Variants in CAST observed in about 807,000 individuals in gnomAD.
CAST encodes calpastatin.
A neutral mutation model predicts 119.6 loss-of-function variants in CAST; 76 were observed. The observed-to-expected ratio is 0.64, with a 90% CI of 0.53 to 0.77. The LOEUF (loss-of-function observed/expected upper bound fraction) is 0.77, where lower values mean the gene tolerates loss of function less well. Among genes scored for constraint, CAST ranks in the 30% least tolerant of loss-of-function variants. The probability of loss-of-function intolerance (pLI) is 0.00; values close to 1 mark genes in which losing one functional copy is unlikely to be tolerated. For synonymous variants in CAST, 319 were observed against 331.6 expected (o/e 0.96, Z 0.41); for missense variants, 953 against 946.5 (o/e 1.01, Z -0.09).
the CAST span, among the ~76,000 whole-genome samples, chr5:96,223,858 A>C: frequency 2.0e-5 from 3 of 152,190 alleles, no homozygotes; most frequent in African/African-American, 7.2e-5. Flanking sequence ...TTTTCTGAGA[A>C]TATTAAAACT....
the CAST span, among the ~76,000 whole-genome samples, chr5:96,384,562 A>C: frequency 1.3e-5 from 2 of 151,968 alleles, no homozygotes; most frequent in African/African-American, 4.8e-5. Flanking sequence ...CACAGTTGGC[A>C]CCTCTTTTCC....
the CAST span, among the ~76,000 whole-genome samples, chr5:96,140,646 G>A: frequency 0.016 from 2,391 of 152,292 alleles, 49 homozygotes; most frequent in African/African-American, 0.054. Context: ...ATAAAATGGA[G>A]ATAATGATAA....
chr5:96,082,402 CACGA>C, the CAST span, among the ~76,000 whole-genome samples: 1 of 152,240 alleles, frequency 6.6e-6, no homozygotes, highest in African/African-American at 2.4e-5. Context: ...AAAAGCAGGG[CACGA>C]GGAACTCACA....
At chr5:96,019,610 A>T in the CAST span, among the ~76,000 whole-genome samples, 1 of 152,124 alleles carries the variant, frequency 6.6e-6, no homozygotes, top group Admixed American at 6.5e-5. Context: ...AAAAAAATTC[A>T]TCTGCTTCTG....
chr5:96,451,725 A>C, the CAST span, among the ~76,000 whole-genome samples: 1 of 152,216 alleles, frequency 6.6e-6, no homozygotes. Context: ...AATGGGAGAA[A>C]ATTTTTTCAG....
the CAST span, among the ~76,000 whole-genome samples, chr5:96,108,958 C>T: frequency 3.3e-5 from 5 of 152,250 alleles, no homozygotes; most frequent in African/African-American, 4.8e-5. Context: ...CGGAAAAGCG[C>T]AGTATTTGGG....
chr5:96,728,115 C>T (rs998451328), intron 6 of CAST, among the ~76,000 whole-genome samples: 1 of 152,196 alleles, frequency 6.6e-6, no homozygotes, highest in Non-Finnish European at 1.5e-5. Context: ...TGTACGGCAG[C>T]ACAAATGTTT....
the CAST span, among the ~76,000 whole-genome samples, chr5:96,428,836 A>G: frequency 1.3e-5 from 2 of 152,200 alleles, no homozygotes; most frequent in Non-Finnish European, 2.9e-5. Flanking sequence ...TAGGTACCTA[A>G]TAAAAGGTTG....
At chr5:96,097,302 G>A in the CAST span, among the ~76,000 whole-genome samples, 2 of 150,710 alleles carry the variant, frequency 1.3e-5, no homozygotes, top group Non-Finnish European at 3.0e-5. Context: ...TCTTAATTGG[G>A]ATTTCAAGGT....
At chr5:96,088,908 G>T in the CAST span, among the ~76,000 whole-genome samples, 1 of 152,046 alleles carries the variant, frequency 6.6e-6, no homozygotes, top group Non-Finnish European at 1.5e-5. Flanking sequence ...GATACCCAGG[G>T]GTGACTCTGA....
chr5:96,210,458 T>C, the CAST span, among the ~76,000 whole-genome samples: 1 of 152,072 alleles, frequency 6.6e-6, no homozygotes, highest in African/African-American at 2.4e-5. Flanking sequence ...TCTTCCTCCA[T>C]TGAATTGCTT....
the CAST span, among the ~76,000 whole-genome samples, chr5:96,445,946 C>G: frequency 1.3e-5 from 2 of 152,150 alleles, no homozygotes; most frequent in Admixed American, 1.3e-4. Flanking sequence ...CTCCAGGACT[C>G]AAGCAATCCT....
intron 9 of CAST, among the ~76,000 whole-genome samples, chr5:96,733,707 G>A (rs1324123598): frequency 2.0e-5 from 3 of 152,040 alleles, no homozygotes; most frequent in East Asian, 1.9e-4. Context: ...GAGAAACCCC[G>A]TCTCTACTAA....
chr5:96,615,017 G>A (rs546646083), intron 1 of CAST, among the ~76,000 whole-genome samples: 1 of 152,306 alleles, frequency 6.6e-6, no homozygotes, highest in East Asian at 1.9e-4. Flanking sequence ...TGAACTTTAC[G>A]ATGGTGCAGA....
At chr5:96,392,991 C>T in the CAST span, 2 of 1,613,854 alleles carry the variant, frequency 1.2e-6, no homozygotes, top group African/African-American at 1.3e-5. Context: ...CTTGGGACCA[C>T]ACACTTATTT....
chr5:95,961,642 ATGT>A, the CAST span: 2 of 1,610,054 alleles, frequency 1.2e-6, no homozygotes, highest in Non-Finnish European at 8.5e-7. Context: ...CAGTACGGTG[ATGT>A]TGTCCTGCCC....
At chr5:96,227,504 G>C in the CAST span, among the ~76,000 whole-genome samples, 1 of 152,114 alleles carries the variant, frequency 6.6e-6, no homozygotes. Context: ...TCAATGTCTG[G>C]ACCGCTCAGG....
the CAST span, among the ~76,000 whole-genome samples, chr5:96,272,996 C>CT: frequency 6.6e-6 from 1 of 152,082 alleles, no homozygotes; most frequent in Non-Finnish European, 1.5e-5. Flanking sequence ...TAATGCATTG[C>CT]TTTTAAGTAT....
At chr5:96,637,254 A>G (rs1747899295) in intron 1 of CAST, among the ~76,000 whole-genome samples, 1 of 152,334 alleles carries the variant, frequency 6.6e-6, no homozygotes, top group East Asian at 1.9e-4. Flanking sequence ...TGTAGCAACC[A>G]TATAAGGGGT....
Sources: gnomAD v4.1 joint callset for allele counts (sites outside exome capture counted in the v4.1 genomes callset) on GRCh38, gnomAD v4.1.1 for gene constraint, MANE v1.5 for transcripts, NCBI Gene and HGNC (gene_info 2026-07-23, HGNC 2026-07-21) for gene names.